PEX7: variants seen among roughly 807,000 people sequenced by gnomAD.
PEX7 encodes the protein PTS2 receptor.
A neutral mutation model predicts 47.5 loss-of-function variants in PEX7; 34 were observed. That is an observed-to-expected ratio of 0.72 (90% CI 0.54 to 0.95). PEX7 has a LOEUF of 0.95. PEX7 is among the 40% of genes least tolerant of loss of function. The pLI is 0.00. For synonymous variants in PEX7, 141 were observed against 148.8 expected (o/e 0.95, Z 0.38); for missense variants, 394 against 400.3 (o/e 0.98, Z 0.13).
rs188941286 is a variant in PEX7 at position 136,900,726 on chromosome 6, C to T, written c.903+2485C>T. 3.3e-3 allele frequency: 1,168 copies of T among 351,992 alleles called. 8 individuals carry two copies. Among genetic ancestry groups the T allele is most frequent in the Non-Finnish European group, 5.0e-3 (903 of 182,070 alleles). 21.8% of individuals were successfully genotyped at this position (351,992 alleles called of 1,614,324 possible). Reference sequence around the variant, plus strand: ...TCACCGCCAGCTGAGCCTTCTTCTTCTCCACCAAGGTGGTGACGGTGTTAA... The same window carrying T: ...TCACCGCCAGCTGAGCCTTCTTCTTTTCCACCAAGGTGGTGACGGTGTTAA... On this transcript the variant is annotated intron_variant, in intron 9 of 9. Coordinates refer to ENST00000318471, the MANE Select transcript of PEX7 (RefSeq NM_000288.4). The surrounding 1 kb of genome is among the most constrained non-coding windows in gnomAD (Gnocchi z 4.2).
intron 9 of PEX7, 38 bp downstream of exon 9, chr6:136,898,279 A>G (rs760801164): frequency 8.3e-6 from 10 of 1,207,438 alleles, no homozygotes; most frequent in South Asian, 2.4e-5. Context: ...CTTCTGCCCA[A>G]GTTCACAGCC....
chr6:136,826,461 G>A lies in PEX7; in HGVS notation c.331G>A (p.Ala111Thr), dbSNP rs368225510. ...AGPLQVYKEHAQEVYSVDWSQ... is the reference protein window; with the variant it reads ...AGPLQVYKEHTQEVYSVDWSQ... Reference sequence around the variant, plus strand: ...GCCACTGCAAGTCTATAAAGAACACGCTCAGGAGGTAGGAGGGAAATCTTT... The same window carrying A: ...GCCACTGCAAGTCTATAAAGAACACACTCAGGAGGTAGGAGGGAAATCTTT... The change falls in exon 3 of 10, where the codon GCT becomes ACT. Residue 111 changes from alanine (A) to threonine (T), a missense_variant. Transcript: ENST00000318471. 33 of 1,613,832 alleles carry A rather than the reference G, an allele frequency of 2.0e-5. No individual in the cohort carries two copies. The highest frequency in any genetic ancestry group is 1.2e-4 in the African/African-American group (9 of 74,806).
intron 8 of PEX7, among the ~76,000 whole-genome samples, chr6:136,887,878 A>G (rs1225846501): frequency 1.3e-5 from 2 of 152,188 alleles, no homozygotes; most frequent in Non-Finnish European, 2.9e-5. Context: ...TGGGAAAATG[A>G]TCTTTAATTG....
chr6:136,909,270 G>A (rs1775895608), intron 9 of PEX7, among the ~76,000 whole-genome samples: 1 of 152,178 alleles, frequency 6.6e-6, no homozygotes, highest in Admixed American at 6.5e-5. Context: ...GGACACAAAG[G>A]CAAGCTCCCT....
chr6:136,835,444 G>T (rs1044077144), intron 3 of PEX7, among the ~76,000 whole-genome samples: 39 of 151,766 alleles, frequency 2.6e-4, no homozygotes, highest in African/African-American at 9.2e-4. Flanking sequence ...GTGTGCCACC[G>T]TGCTTGGCTG....
chr6:136,840,033 G>A (rs1296397626), intron 3 of PEX7, among the ~76,000 whole-genome samples: 1 of 152,192 alleles, frequency 6.6e-6, no homozygotes, highest in Non-Finnish European at 1.5e-5. Flanking sequence ...GGCCAGGGTA[G>A]TAGTGTTAGA....
Position 136,832,449 on chromosome 6 carries a change from T to C in PEX7, c.339+5980T>C, listed in dbSNP as rs6908226. ...CTCTGACATGCCTTGGATACATTTTTCCCATTGTTTTGGCTATTAATATTT... is the reference window on the plus strand; with the variant it reads ...CTCTGACATGCCTTGGATACATTTTCCCCATTGTTTTGGCTATTAATATTT... On this transcript the variant is annotated intron_variant, in intron 3 of 9. Coordinates refer to ENST00000318471, the MANE Select transcript of PEX7 (RefSeq NM_000288.4). Among the ~76,000 whole-genome samples the C allele has an allele frequency of 8.9e-3, 1,363 of 152,370 alleles. 17 individuals carry two copies. Among genetic ancestry groups the C allele is most frequent in the African/African-American group, 0.031 (1,298 of 41,582 alleles).
At chr6:136,858,638 T>C (rs747681114) in intron 5 of PEX7, among the ~76,000 whole-genome samples, 1 of 152,266 alleles carries the variant, frequency 6.6e-6, no homozygotes, top group Non-Finnish European at 1.5e-5. Flanking sequence ...AGCACTGTAC[T>C]AGTCTATGGA....
intron 3 of PEX7, among the ~76,000 whole-genome samples, chr6:136,828,236 A>T (rs1260831027): frequency 6.6e-6 from 1 of 152,174 alleles, no homozygotes; most frequent in African/African-American, 2.4e-5. Context: ...TTTTTAGTGT[A>T]CATTGAGATA....
intron 7 of PEX7, among the ~76,000 whole-genome samples, chr6:136,871,977 T>C (rs961812718): frequency 5.9e-5 from 8 of 135,438 alleles, no homozygotes; most frequent in African/African-American, 1.8e-4. Flanking sequence ...GATAATTTTC[T>C]TTGGAGAATG....
At chr6:136,908,139 C>T (rs1438890205) in intron 9 of PEX7, among the ~76,000 whole-genome samples, 1 of 152,056 alleles carries the variant, frequency 6.6e-6, no homozygotes, top group African/African-American at 2.4e-5. Context: ...AATTAATAGG[C>T]TTTATTGACA....
At chr6:136,910,377 C>A (rs897112247) in intron 9 of PEX7, among the ~76,000 whole-genome samples, 1 of 152,022 alleles carries the variant, frequency 6.6e-6, no homozygotes, top group Non-Finnish European at 1.5e-5. Flanking sequence ...AAAGAGACAT[C>A]TCTGGCAGAG....
At chr6:136,907,479 A>T (rs1429252878) in intron 9 of PEX7, among the ~76,000 whole-genome samples, 3 of 149,758 alleles carry the variant, frequency 2.0e-5, no homozygotes, top group Non-Finnish European at 4.4e-5. Flanking sequence ...ATGTAGAGTT[A>T]ACTGTGATTT....
intron 3 of PEX7, among the ~76,000 whole-genome samples, chr6:136,829,573 C>CTT (rs1774257426): frequency 2.6e-5 from 4 of 152,130 alleles, no homozygotes; most frequent in Admixed American, 2.6e-4. Context: ...ATGCCAGATA[C>CTT]TCAAAAATAC....
At chr6:136,888,324 A>C (rs1775501665) in intron 8 of PEX7, among the ~76,000 whole-genome samples, 1 of 152,186 alleles carries the variant, frequency 6.6e-6, no homozygotes, top group South Asian at 2.1e-4. Flanking sequence ...ATAAGAAATC[A>C]TGTGGCTAAT....
intron 3 of PEX7, among the ~76,000 whole-genome samples, chr6:136,836,284 A>G (rs1774383391): frequency 6.6e-6 from 1 of 151,942 alleles, no homozygotes; most frequent in Non-Finnish European, 1.5e-5. Context: ...TATATTATAA[A>G]TATATATAGT....
chr6:136,823,933 G>A (rs778401223), intron 1 of PEX7, among the ~76,000 whole-genome samples: 56 of 152,290 alleles, frequency 3.7e-4, no homozygotes, highest in Non-Finnish European at 7.2e-4. Flanking sequence ...ATGAAAAGGC[G>A]TAGGTTCATT....
At chr6:136,872,354 A>C in intron 8 of PEX7, 101 bp downstream of exon 8, 1 of 874,792 alleles carries the variant, frequency 1.1e-6, no homozygotes, top group Non-Finnish European at 1.9e-6. Flanking sequence ...CTAACATGAA[A>C]ATAATCTGAG....
intron 5 of PEX7, among the ~76,000 whole-genome samples, chr6:136,850,344 T>C (rs944186267): frequency 6.6e-6 from 1 of 152,202 alleles, no homozygotes; most frequent in Non-Finnish European, 1.5e-5. Flanking sequence ...AATTGGAGCA[T>C]TTAGCCCATT....
Sources: allele counts gnomAD v4.1 joint callset (sites outside exome capture counted in the v4.1 genomes callset), GRCh38; gene constraint gnomAD v4.1.1; non-coding constraint Gnocchi (gnomAD v3.1); transcripts MANE v1.5; gene names NCBI Gene and HGNC (gene_info 2026-07-23, HGNC 2026-07-21).